GIPC3: variants seen among roughly 807,000 people sequenced by gnomAD.
GIPC3 encodes the protein GIPC PDZ domain containing family member 3.
GIPC3 carries 16 observed loss-of-function variants against 27.3 expected under a neutral mutation model. That is an observed-to-expected ratio of 0.59 (90% CI 0.40 to 0.89). GIPC3 has a LOEUF of 0.89. Ranked by LOEUF, GIPC3 falls within the 40% of genes least tolerant of loss-of-function variation. The pLI, the probability that GIPC3 is intolerant of heterozygous loss-of-function variation, is 0.00. For missense variants in GIPC3, 440 were observed against 442.1 expected, an observed-to-expected ratio of 1.00 and a Z score of 0.04; for synonymous variants, 194 against 184.6, an observed-to-expected ratio of 1.05 and a Z score of -0.41.
At position 3,592,164 on chromosome 19, in the gene GIPC3, G is replaced by C; in HGVS notation, c.*1974G>C. On this transcript the variant is annotated 3_prime_UTR_variant, in exon 6 of 6. Coordinates refer to ENST00000644452, the MANE Select transcript of GIPC3 (RefSeq NM_133261.3). Reference sequence around the variant, plus strand: ...AAGCTCCACAGCCCTGTCTAGTTCCGACAGCAGGTCCAGCTCCAGGACCCA... The same window carrying C: ...AAGCTCCACAGCCCTGTCTAGTTCCCACAGCAGGTCCAGCTCCAGGACCCA... 2.4e-6 allele frequency: 3 copies of C among 1,232,052 alleles called. No homozygotes were observed. The highest frequency in any genetic ancestry group is 3.2e-5 in the East Asian group (1 of 31,706). The allele number at this position is 1,232,052 out of a possible 1,614,324, so 76.3% of individuals were successfully genotyped here. A position where few individuals can be genotyped will look rare whatever the true frequency, so the allele number is the denominator to read the frequency against.
rs2032507893 is a variant in GIPC3, at chr19:3,592,699, G to T, written c.*2509G>T. The T allele has an allele frequency of 4.1e-6, 5 of 1,230,536 alleles. No homozygotes were observed. In the East Asian group the frequency reaches 1.6e-4, roughly 39 times the overall value. The allele number at this position is 1,230,536 out of a possible 1,614,324, so 76.2% of individuals were successfully genotyped here. ...CAACTTAGTTCCAGAACCCAGTCCA[G>T]CTCTGAGACCGGGCTCAGCTCTGAA... On this transcript the variant is annotated 3_prime_UTR_variant, in exon 6 of 6. Transcript: ENST00000644452.
chr19:3,590,511 A>T lies in GIPC3; in HGVS notation c.*321A>T. ...CTTTGAGACCATGCCCAGCACTGAG[A>T]CCAAGCCCTGTTCTAGAACTCAGGC... On this transcript the variant is annotated 3_prime_UTR_variant, in exon 6 of 6. Transcript: ENST00000644452. 1 of 1,398,864 alleles carries T rather than the reference A, an allele frequency of 7.1e-7. No individual in the cohort carries two copies. The highest frequency in any genetic ancestry group is 2.6e-5 in the East Asian group (1 of 38,642). 86.7% of individuals were successfully genotyped at this position (1,398,864 alleles called of 1,614,324 possible).
chr19:3,589,494 T>A lies in GIPC3; in HGVS notation c.644T>A (p.Val215Glu). 2 of 1,613,960 alleles carry A rather than the reference T, an allele frequency of 1.2e-6. No individual in the cohort carries two copies. The highest frequency in any genetic ancestry group is 1.7e-6 in the Non-Finnish European group (2 of 1,179,998). ...RSSKCPVEAK[V>E]TSGRETLRLR... is the part of the protein sequence containing the mutation. ...AGCAAATGTCCAGTAGAGGCGAAAG[T>A]GACCAGCGGGAGGGAGACCCTGCGG... The change falls in exon 4 of 6, where the codon GTG (valine) becomes GAG (glutamate). Residue 215 changes from valine to glutamate, a missense_variant. By Grantham distance (121) the Val-to-Glu change is moderately radical (BLOSUM62 -2). Coordinates refer to ENST00000644452, the MANE Select transcript of GIPC3 (RefSeq NM_133261.3).
intron 5 of GIPC3, 55 bp from the exon 6 acceptor site, chr19:3,589,984 G>T: frequency 1.2e-6 from 2 of 1,613,350 alleles, no homozygotes; most frequent in Middle Eastern, 1.7e-4. Flanking sequence ...GGTCCCAGCG[G>T]GAAGTTGGGC....
At position 3,592,507 on chromosome 19, in the gene GIPC3, G is replaced by A. The variant is rs2032505101; in HGVS notation, c.*2317G>A. 8.1e-7 allele frequency: 1 copy of A among 1,231,042 alleles called. No homozygotes were observed. Among genetic ancestry groups the A allele is most frequent in the African/African-American group, 1.6e-5 (1 of 64,188 alleles). 76.3% of individuals were successfully genotyped at this position (1,231,042 alleles called of 1,614,324 possible). Reference sequence around the variant, plus strand: ...AGCTCCGGGACCCAGACCACTGCAAGAATTCAGCTCAGCCCTGGAGCTCAT... The same window carrying A: ...AGCTCCGGGACCCAGACCACTGCAAAAATTCAGCTCAGCCCTGGAGCTCAT... On this transcript the variant is annotated 3_prime_UTR_variant, in exon 6 of 6. Transcript: ENST00000644452.
At position 3,585,633 on chromosome 19, in the gene GIPC3, C is replaced by A. The variant is rs1474827692; in HGVS notation, c.36C>A (p.Thr12=). The change falls in exon 1 of 6, where the codon ACC becomes ACA. Residue 12 remains threonine, a synonymous_variant. Coordinates refer to ENST00000644452, the MANE Select transcript of GIPC3 (RefSeq NM_133261.3). The part of the protein sequence containing the change: ...EGAAAREARG[T]ETPRASAPPP... ...CAGCGGCCCGGGAGGCCCGGGGGAC[C>A]GAGACCCCGCGCGCGTCTGCGCCCC... is the stretch of plus-strand genomic sequence containing the variant. The A allele has an allele frequency of 3.3e-5, 39 of 1,184,488 alleles. No individual in the cohort carries two copies. The highest frequency in any genetic ancestry group is 3.9e-5 in the Non-Finnish European group (37 of 960,130). The allele number at this position is 1,184,488 out of a possible 1,614,324, so 73.4% of individuals were successfully genotyped here.
In GIPC3 at chr19:3,591,487, G is replaced by A. The variant is rs546701089; in HGVS notation, c.*1297G>A. The A allele has an allele frequency of 1.1e-4, 140 of 1,232,286 alleles. No homozygotes were observed. In the South Asian group the frequency reaches 4.4e-3, roughly 38 times the overall value. 76.3% of individuals were successfully genotyped at this position (1,232,286 alleles called of 1,614,324 possible). A position where few individuals can be genotyped will look rare whatever the true frequency, so the allele number is the denominator to read the frequency against. On this transcript the variant is annotated 3_prime_UTR_variant, in exon 6 of 6. Transcript: ENST00000644452. ...ACGATGCAGCCACACCTGGACACTC[G>A]GTCTAGCTCCGGAACCCCAGTTAAT... is the stretch of plus-strand genomic sequence containing the variant.
At chr19:3,589,939 C>G in intron 5 of GIPC3, 27 bp downstream of exon 5, 1 of 1,613,502 alleles carries the variant, frequency 6.2e-7, no homozygotes, top group Non-Finnish European at 8.5e-7. Context: ...AGCCAGGGGG[C>G]CCTGGGGGGA....
intron 3 of GIPC3, among the ~76,000 whole-genome samples, chr19:3,587,662 C>CT (rs60239736): frequency 0.012 from 1,742 of 140,104 alleles, 37 homozygotes; most frequent in African/African-American, 0.034. Context: ...TCTTTCTTTT[C>CT]TTTTTTTTTT....
chr19:3,585,842 G>A lies in GIPC3; in HGVS notation c.225+20G>A. On this transcript the variant is annotated intron_variant, in intron 1 of 5. Coordinates refer to ENST00000644452, the MANE Select transcript of GIPC3 (RefSeq NM_133261.3). ...ACCGAGGTAAGGAGCCCGGACACCG[G>A]CGCCCAAGACCACCCGCCTGATGGG... The A allele has an allele frequency of 6.5e-7, 1 of 1,538,038 alleles. No individual in the cohort carries two copies.
rs2032479928 is a variant in GIPC3 at position 3,590,996 on chromosome 19, G to A, written c.*806G>A. The A allele has an allele frequency of 1.6e-6, 2 of 1,233,478 alleles. No homozygotes were observed. Among genetic ancestry groups the A allele is most frequent in the Non-Finnish European group, 2.0e-6 (2 of 989,032 alleles). The allele number at this position is 1,233,478 out of a possible 1,614,324, so 76.4% of individuals were successfully genotyped here. A position where few individuals can be genotyped will look rare whatever the true frequency, so the allele number is the denominator to read the frequency against. Reference sequence around the variant, plus strand: ...GTTCTAGAGTCCAGGCCAGCTCCGAGACCAAGCCCAGCTCTAGAACCCAGA... The same window carrying A: ...GTTCTAGAGTCCAGGCCAGCTCCGAAACCAAGCCCAGCTCTAGAACCCAGA... On this transcript the variant is annotated 3_prime_UTR_variant, in exon 6 of 6. Transcript: ENST00000644452.
Position 3,592,458 on chromosome 19 carries a change from C to T in GIPC3, c.*2268C>T, listed in dbSNP as rs1166523601. 2.6e-5 allele frequency: 32 copies of T among 1,231,940 alleles called. No homozygotes were observed. The highest frequency in any genetic ancestry group is 3.1e-5 in the Non-Finnish European group (31 of 987,936). 76.3% of individuals were successfully genotyped at this position (1,231,940 alleles called of 1,614,324 possible). A position where few individuals can be genotyped will look rare whatever the true frequency, so the allele number is the denominator to read the frequency against. On this transcript the variant is annotated 3_prime_UTR_variant, in exon 6 of 6. Coordinates refer to ENST00000644452, the MANE Select transcript of GIPC3 (RefSeq NM_133261.3). ...CGGAGCCCAACCCAGCTCCAGAACT[C>T]AGACTAGTTCTGGAAACCAGCTCAG...
In GIPC3 at chr19:3,591,055, A is replaced by AGCCGTGTTC. The variant is rs2032481090; in HGVS notation, c.*866_*874dup. 2.4e-6 allele frequency: 3 copies of AGCCGTGTTC among 1,233,306 alleles called. No homozygotes were observed. Among genetic ancestry groups the AGCCGTGTTC allele is most frequent in the Non-Finnish European group, 3.0e-6 (3 of 989,078 alleles). 76.4% of individuals were successfully genotyped at this position (1,233,306 alleles called of 1,614,324 possible). A position where few individuals can be genotyped will look rare whatever the true frequency, so the allele number is the denominator to read the frequency against. On this transcript the variant is annotated 3_prime_UTR_variant, in exon 6 of 6. Transcript: ENST00000644452. ...GAAACCAAGCCCAGCATAGAGACCA[A>AGCCGTGTTC]GCCGTGTTCTAGAATTCAGGCCACA...
Position 3,590,432 on chromosome 19 carries a change from T to G in GIPC3, c.*242T>G. Reference sequence around the variant, plus strand: ...AGCCCAGCATTGAGAATAAGCTCTGTTCTAAAACTCAGGCCAGCCCTGAGA... The same window carrying G: ...AGCCCAGCATTGAGAATAAGCTCTGGTCTAAAACTCAGGCCAGCCCTGAGA... On this transcript the variant is annotated 3_prime_UTR_variant, in exon 6 of 6. Coordinates refer to ENST00000644452, the MANE Select transcript of GIPC3 (RefSeq NM_133261.3). 7.0e-7 allele frequency: 1 copy of G among 1,428,602 alleles called. No homozygotes were observed. Among genetic ancestry groups the G allele is most frequent in the South Asian group, 1.5e-5 (1 of 65,418 alleles). The allele number at this position is 1,428,602 out of a possible 1,614,324, so 88.5% of individuals were successfully genotyped here.
chr19:3,592,588 C>A lies in GIPC3; in HGVS notation c.*2398C>A. On this transcript the variant is annotated 3_prime_UTR_variant, in exon 6 of 6. Transcript: ENST00000644452. ...ACCAGGCTCAGCTCTGAGGCTCAGT[C>A]CAGCTCTGGAACCCAGTTCAGTTCT... The A allele has an allele frequency of 1.6e-6, 2 of 1,231,992 alleles. No individual in the cohort carries two copies. Among genetic ancestry groups the A allele is most frequent in the South Asian group, 8.2e-5 (2 of 24,298 alleles). 76.3% of individuals were successfully genotyped at this position (1,231,992 alleles called of 1,614,324 possible).
rs768979546 is a variant in GIPC3, at chr19:3,586,954, G to A, written c.552G>A (p.Gln184=). ...TGCTCCGGGAGCTGCCCAAGTCCCA[G>A]CCCTTCACCCTGCGCCTGGTGCAGC... is the stretch of plus-strand genomic sequence containing the variant. ...AKMLRELPKS[Q]PFTLRLVQPK... The change falls in exon 3 of 6, where the codon CAG becomes CAA. Residue 184 remains glutamine (Q), a synonymous_variant. Transcript: ENST00000644452. The A allele has an allele frequency of 6.2e-7, 1 of 1,613,144 alleles. No homozygotes were observed. Among genetic ancestry groups the A allele is most frequent in the Non-Finnish European group, 8.5e-7 (1 of 1,179,948 alleles).
At position 3,592,171 on chromosome 19, in the gene GIPC3, G is replaced by A; in HGVS notation, c.*1981G>A. 1 of 1,232,132 alleles carries A rather than the reference G, an allele frequency of 8.1e-7. No individual in the cohort carries two copies. Among genetic ancestry groups the A allele is most frequent in the Non-Finnish European group, 1.0e-6 (1 of 988,118 alleles). 76.3% of individuals were successfully genotyped at this position (1,232,132 alleles called of 1,614,324 possible). ...ACAGCCCTGTCTAGTTCCGACAGCA[G>A]GTCCAGCTCCAGGACCCAGCGCTGC... On this transcript the variant is annotated 3_prime_UTR_variant, in exon 6 of 6. Transcript: ENST00000644452.
rs1385913938 is a variant in GIPC3, at chr19:3,592,955, C to T, written c.*2765C>T. 1.6e-5 allele frequency: 20 copies of T among 1,223,688 alleles called. No individual in the cohort carries two copies. Among genetic ancestry groups the T allele is most frequent in the Admixed American group, 4.3e-5 (1 of 23,526 alleles). The allele number at this position is 1,223,688 out of a possible 1,614,324, so 75.8% of individuals were successfully genotyped here. A position where few individuals can be genotyped will look rare whatever the true frequency, so the allele number is the denominator to read the frequency against. ...CAGGCCCATCCCCCAGAGACCCCAC[C>T]CCAGCCCCTAGCAAAGACCCCCAGC... On this transcript the variant is annotated 3_prime_UTR_variant, in exon 6 of 6. Coordinates refer to ENST00000644452, the MANE Select transcript of GIPC3 (RefSeq NM_133261.3).
At position 3,590,467 on chromosome 19, in the gene GIPC3, G is replaced by A; in HGVS notation, c.*277G>A. The A allele has an allele frequency of 7.0e-7, 1 of 1,421,338 alleles. No homozygotes were observed. The allele number at this position is 1,421,338 out of a possible 1,614,324, so 88.0% of individuals were successfully genotyped here. A position where few individuals can be genotyped will look rare whatever the true frequency, so the allele number is the denominator to read the frequency against. On this transcript the variant is annotated 3_prime_UTR_variant, in exon 6 of 6. Transcript: ENST00000644452. ...CAGGCCAGCCCTGAGACCAAGCCCA[G>A]CTCTAGAACTCAGATGAGCTTTGAG...
Sources: gnomAD v4.1 joint callset for allele counts (sites outside exome capture counted in the v4.1 genomes callset) on GRCh38, gnomAD v4.1.1 for gene constraint, MANE v1.5 for transcripts, NCBI Gene and HGNC (gene_info 2026-07-23, HGNC 2026-07-21) for gene names.